SBF2: variants seen among roughly 807,000 people sequenced by gnomAD.
The protein encoded by SBF2 is SET binding factor 2.
In SBF2, 112 loss-of-function variants were observed where a neutral mutation model predicts 225.2. The observed-to-expected ratio is 0.50, with a 90% CI of 0.43 to 0.58. SBF2 has a LOEUF of 0.58. Ranked by LOEUF, SBF2 falls within the 20% of genes least tolerant of loss-of-function variation. The pLI is 0.00. For synonymous variants in SBF2, 763 were observed against 773.3 expected (o/e 0.99, Z 0.22); for missense variants, 1,996 against 2,206.2 (o/e 0.90, Z 1.91).
At chr11:10,021,270 C>T (rs1319508273) in intron 6 of SBF2, among the ~76,000 whole-genome samples, 1 of 152,040 alleles carries the variant, frequency 6.6e-6, no homozygotes, top group Non-Finnish European at 1.5e-5. Flanking sequence ...TTATTTGGGG[C>T]AGGGAGGGAC....
intron 32 of SBF2, among the ~76,000 whole-genome samples, chr11:9,805,973 G>C (rs1853820591): frequency 6.6e-6 from 1 of 152,180 alleles, no homozygotes; most frequent in Non-Finnish European, 1.5e-5. Context: ...AACAAGACTT[G>C]TGGTCTTTCA....
At chr11:9,837,358 CA>C (rs2133946862) in intron 26 of SBF2, among the ~76,000 whole-genome samples, 1 of 152,180 alleles carries the variant, frequency 6.6e-6, no homozygotes, top group African/African-American at 2.4e-5. Flanking sequence ...ACAAATGTGA[CA>C]AAAAATACAG....
intron 2 of SBF2, among the ~76,000 whole-genome samples, chr11:10,170,401 T>G (rs1223311865): frequency 2.0e-5 from 3 of 152,154 alleles, no homozygotes; most frequent in Non-Finnish European, 4.4e-5. Flanking sequence ...CTCCAGTGTA[T>G]GTTCTTGGCA....
intron 16 of SBF2, among the ~76,000 whole-genome samples, chr11:9,911,730 G>C (rs1046797586): frequency 6.6e-6 from 1 of 152,138 alleles, no homozygotes; most frequent in Non-Finnish European, 1.5e-5. Flanking sequence ...TCCTATACAG[G>C]TGTACCATTC....
At chr11:10,235,529 A>G (rs1959036029) in intron 1 of SBF2, among the ~76,000 whole-genome samples, 1 of 119,516 alleles carries the variant, frequency 8.4e-6, no homozygotes. Flanking sequence ...CTCCATCTCA[A>G]AAAAAAAAAA....
In SBF2 at chr11:10,005,119, C is replaced by T. The variant is rs1407598805; in HGVS notation, c.620-2430G>A. Among the ~76,000 whole-genome samples the T allele has an allele frequency of 2.6e-5, 4 of 152,286 alleles. No individual in the cohort carries two copies. In the East Asian group the frequency reaches 7.7e-4, roughly 29 times the overall value. ...GCTGATGCCACAGAAAGGCAGTCTT[C>T]CAACAGACAGAAACATCAGAAACTG... On this transcript the variant is annotated intron_variant, in intron 6 of 39. Coordinates refer to ENST00000256190, the MANE Select transcript of SBF2 (RefSeq NM_030962.4).
Position 9,968,473 on chromosome 11 carries a change from T to C in SBF2, c.1468A>G (p.Ile490Val). The change falls in exon 14 of 40, where the codon ATT becomes GTT. Residue 490 changes from isoleucine to valine, a missense_variant. Physicochemically the swap from Ile to Val is conservative, Grantham distance 29. Coordinates refer to ENST00000256190, the MANE Select transcript of SBF2 (RefSeq NM_030962.4). ...PTEGSHLRVH[I>V]LPFPEINEAR... The stretch of plus-strand genomic sequence containing the variant: ...TCATTAATCTCTGGGAAAGGAAGAA[T>C]ATGAACTCGCAAATGGGATCCTTCT... The C allele has an allele frequency of 6.2e-7, 1 of 1,614,088 alleles. No individual in the cohort carries two copies. Among genetic ancestry groups the C allele is most frequent in the Non-Finnish European group, 8.5e-7 (1 of 1,179,972 alleles).
chr11:10,028,300 A>G (rs1176174305), intron 6 of SBF2, 152 bp downstream of exon 6: 2 of 618,976 alleles, frequency 3.2e-6, no homozygotes, highest in Admixed American at 5.3e-5. Flanking sequence ...AGGTAAGATC[A>G]GGACCCACAA....
intron 2 of SBF2, among the ~76,000 whole-genome samples, chr11:10,139,967 G>A (rs1954565218): frequency 6.6e-6 from 1 of 152,172 alleles, no homozygotes; most frequent in Non-Finnish European, 1.5e-5. Context: ...CCTTAGGTGT[G>A]GTTTCCATGA....
intron 2 of SBF2, among the ~76,000 whole-genome samples, chr11:10,189,618 T>C (rs1427964487): frequency 1.3e-5 from 2 of 152,210 alleles, no homozygotes; most frequent in African/African-American, 4.8e-5. Context: ...GGTAGTCAAA[T>C]TGCTAGTGTA....
At chr11:10,054,329 C>T (rs1039218910) in intron 2 of SBF2, among the ~76,000 whole-genome samples, 2 of 152,100 alleles carry the variant, frequency 1.3e-5, no homozygotes, top group African/African-American at 4.8e-5. Context: ...GGCAGATATA[C>T]AAACATACAC....
At position 9,879,265 on chromosome 11, in the gene SBF2, C is replaced by A. The variant is rs75484000; in HGVS notation, c.1929+16678G>T. 8.9e-3 allele frequency among the ~76,000 whole-genome samples: 1,355 copies of A among 152,312 alleles called. 21 individuals are homozygous for A. The highest frequency in any genetic ancestry group is 0.031 in the African/African-American group (1,295 of 41,558). On this transcript the variant is annotated intron_variant, in intron 17 of 39. Transcript: ENST00000256190. ...AGAATAATAATCTATTCATAAAGTTCTTTTTAGGGACACATAGTTATTAAA... is the reference window on the plus strand; with the variant it reads ...AGAATAATAATCTATTCATAAAGTTATTTTTAGGGACACATAGTTATTAAA...
intron 9 of SBF2, among the ~76,000 whole-genome samples, chr11:9,995,903 G>A (rs1164818281): frequency 2.3e-4 from 35 of 149,438 alleles, no homozygotes; most frequent in African/African-American, 3.5e-4. Context: ...CAGATGATCC[G>A]CCCGCCTCAG....
At chr11:10,156,103 C>A (rs143711004) in intron 2 of SBF2, among the ~76,000 whole-genome samples, 207 of 152,370 alleles carry the variant, frequency 1.4e-3, no homozygotes, top group African/African-American at 4.5e-3. Context: ...CCTATCCCCA[C>A]AGGCTTGGAA....
chr11:10,040,180 T>G lies in SBF2; in HGVS notation c.279+2664A>C, dbSNP rs547198756. On this transcript the variant is annotated intron_variant, in intron 3 of 39. Transcript: ENST00000256190. ...AGTGTTAGAGTGTCTTCTAGTAGAC[T>G]GATTATTAATTGCAAACATAAAAAT... Among the ~76,000 whole-genome samples, 6 of 152,176 alleles carry G rather than the reference T, an allele frequency of 3.9e-5. No individual in the cohort carries two copies. In the South Asian group the frequency reaches 1.2e-3, roughly 32 times the overall value.
chr11:9,963,998 C>T, intron 14 of SBF2, 116 bp from the exon 15 acceptor site: 1 of 672,038 alleles, frequency 1.5e-6, no homozygotes, highest in Non-Finnish European at 2.6e-6. Flanking sequence ...CACCCGTAAT[C>T]CCAGCAATTT....
At chr11:9,883,418 C>G (rs1859991375) in intron 17 of SBF2, among the ~76,000 whole-genome samples, 1 of 152,010 alleles carries the variant, frequency 6.6e-6, no homozygotes, top group Non-Finnish European at 1.5e-5. Flanking sequence ...AGCTCTGTCC[C>G]CCAAAACAAC....
intron 1 of SBF2, among the ~76,000 whole-genome samples, chr11:10,231,670 T>C (rs148093686): frequency 4.9e-4 from 74 of 152,176 alleles, no homozygotes; most frequent in African/African-American, 1.8e-3. Context: ...TCTCTGGAAG[T>C]TTTGTCTCAG....
intron 36 of SBF2, 141 bp from the exon 37 acceptor site, chr11:9,785,459 G>C (rs1241281639): frequency 1.4e-6 from 1 of 709,586 alleles, no homozygotes; most frequent in Non-Finnish European, 2.5e-6. Flanking sequence ...CAATCTCAGA[G>C]TTAGTTATCG....
Sources: allele counts gnomAD v4.1 joint callset (sites outside exome capture counted in the v4.1 genomes callset), GRCh38; gene constraint gnomAD v4.1.1; transcripts MANE v1.5; gene names NCBI Gene and HGNC (gene_info 2026-07-23, HGNC 2026-07-21).